Variants in PALLD observed in about 807,000 individuals in gnomAD.
The protein encoded by PALLD is palladin.
A neutral mutation model predicts 123.5 loss-of-function variants in PALLD; 61 were observed. The ratio of observed to expected loss-of-function variants is 0.49; its 90% CI spans 0.40 to 0.61. The LOEUF (loss-of-function observed/expected upper bound fraction) is 0.61. Among genes scored for constraint, PALLD ranks in the 20% least tolerant of loss-of-function variants. PALLD has a pLI of 0.00. For missense variants in PALLD, 1,273 were observed against 1,377.0 expected, an observed-to-expected ratio of 0.92 and a Z score of 1.20; for synonymous variants, 465 against 496.4, an observed-to-expected ratio of 0.94 and a Z score of 0.84.
intron 3 of PALLD, among the ~76,000 whole-genome samples, chr4:168,675,966 GGGTCACTTGAGCCCAGCA>G (rs1286957246): frequency 6.6e-6 from 1 of 152,186 alleles, no homozygotes; most frequent in African/African-American, 2.4e-5. Flanking sequence ...TGAGGTGGGA[GGGTCACTTGAGCCCAGCA>G]GGTCAAGGCA....
At chr4:168,589,132 G>A (rs376135814) in intron 2 of PALLD, among the ~76,000 whole-genome samples, 23 of 152,266 alleles carry the variant, frequency 1.5e-4, no homozygotes, top group South Asian at 2.1e-4. Context: ...AGTTTGTGTC[G>A]TTTCTAAAGT....
At chr4:168,656,710 TG>T (rs978068472) in intron 2 of PALLD, among the ~76,000 whole-genome samples, 5 of 152,156 alleles carry the variant, frequency 3.3e-5, no homozygotes, top group African/African-American at 9.7e-5. Context: ...ATCCAGATTG[TG>T]GGGGGAAATC....
intron 9 of PALLD, 124 bp downstream of exon 9, chr4:168,709,271 A>AG (rs1784497006): frequency 1.1e-6 from 1 of 923,026 alleles, no homozygotes. Context: ...GCACTTTGGG[A>AG]GGCCGAGGCA....
At chr4:168,836,081 G>A (rs1002684858) in intron 10 of PALLD, among the ~76,000 whole-genome samples, 3 of 152,186 alleles carry the variant, frequency 2.0e-5, no homozygotes, top group African/African-American at 7.2e-5. Flanking sequence ...GTGCTTTAGG[G>A]TTGACCGTAA....
At chr4:168,809,558 CTGTATTCAAGAACCAGACG>C (rs1168600944) in intron 10 of PALLD, among the ~76,000 whole-genome samples, 1 of 152,130 alleles carries the variant, frequency 6.6e-6, no homozygotes, top group Non-Finnish European at 1.5e-5. Flanking sequence ...TGGAAAATGT[CTGTATTCAAGAACCAGACG>C]TGGGGCTGGG....
rs1298583286 is a variant in PALLD, at chr4:168,731,691, TGA to T, written c.1964+19770_1964+19771del. ...TAAGTGAATTATTCCTCTGCTATGC[TGA>T]GTTTTCTTCCTCCACCTTCAAGAAG... On this transcript the variant is annotated intron_variant, in intron 10 of 21. Transcript: ENST00000505667. Among the ~76,000 whole-genome samples, 26 of 152,370 alleles carry T rather than the reference TGA, an allele frequency of 1.7e-4. 1 individual carries two copies. The highest frequency in any genetic ancestry group is 1.7e-3 in the Admixed American group (26 of 15,306).
At chr4:168,890,298 C>G (rs1293779900) in intron 10 of PALLD, among the ~76,000 whole-genome samples, 1 of 152,158 alleles carries the variant, frequency 6.6e-6, no homozygotes, top group Admixed American at 6.5e-5. Flanking sequence ...CCAGGCACAG[C>G]AGGACCTGCA....
chr4:168,750,892 A>G (rs1473474988), intron 10 of PALLD, among the ~76,000 whole-genome samples: 1 of 152,096 alleles, frequency 6.6e-6, no homozygotes, highest in Non-Finnish European at 1.5e-5. Flanking sequence ...CATTATTTGG[A>G]TAGATGATTT....
intron 10 of PALLD, among the ~76,000 whole-genome samples, chr4:168,761,497 G>A (rs1399169060): frequency 2.6e-5 from 4 of 151,856 alleles, no homozygotes; most frequent in Non-Finnish European, 5.9e-5. Context: ...GTCTCTCTCC[G>A]TCACCCAGGC....
chr4:168,924,363 C>T lies in PALLD; in HGVS notation c.3167C>T (p.Pro1056Leu), dbSNP rs1162970866. 1 of 1,613,912 alleles carries T rather than the reference C, an allele frequency of 6.2e-7. No individual in the cohort carries two copies. The highest frequency in any genetic ancestry group is 8.5e-7 in the Non-Finnish European group (1 of 1,179,880). Reference sequence around the variant, plus strand: ...TGTCGTGTATTGGGAGTGCCACCACCTCAGATATTTTGGAAGAAAGAAAAT... The same window carrying T: ...TGTCGTGTATTGGGAGTGCCACCACTTCAGATATTTTGGAAGAAAGAAAAT... The part of the protein sequence containing the change: ...LECRVLGVPP[P>L]QIFWKKENES... The change falls in exon 19 of 22, where the codon CCT becomes CTT. Residue 1056 changes from proline to leucine, a missense_variant. Physicochemically the swap from Pro to Leu is moderately conservative, Grantham distance 98. Around this residue, in one of 2 missense-constraint regions of PALLD, gnomAD observed 329 missense variants for 422.5 expected, o/e 0.78. Coordinates refer to ENST00000505667, the MANE Select transcript of PALLD (RefSeq NM_001166108.2).
intron 10 of PALLD, among the ~76,000 whole-genome samples, chr4:168,767,115 A>T (rs542519525): frequency 5.9e-5 from 9 of 152,302 alleles, no homozygotes; most frequent in East Asian, 1.9e-4. Context: ...CAACCGGCCA[A>T]ATAAGAGCCC....
chr4:168,516,806 T>C (rs2149441697), intron 2 of PALLD, among the ~76,000 whole-genome samples: 1 of 152,342 alleles, frequency 6.6e-6, no homozygotes, highest in Non-Finnish European at 1.5e-5. Context: ...ATTCCAAATA[T>C]CTTCAAAGAA....
chr4:168,640,988 C>T (rs1006844194), intron 2 of PALLD, among the ~76,000 whole-genome samples: 1 of 152,100 alleles, frequency 6.6e-6, no homozygotes, highest in Non-Finnish European at 1.5e-5. Context: ...GTGGGCGGAT[C>T]ATGAGGTCAG....
At chr4:168,885,257 C>T (rs1247303654) in intron 10 of PALLD, 7 of 152,144 alleles carry the variant, frequency 4.6e-5, no homozygotes, top group African/African-American at 9.7e-5. Flanking sequence ...ATGGTTTGCT[C>T]CTTAACTTAT....
intron 2 of PALLD, among the ~76,000 whole-genome samples, chr4:168,609,924 C>T (rs539196280): frequency 6.6e-6 from 1 of 152,272 alleles, no homozygotes; most frequent in South Asian, 2.1e-4. Context: ...ATACCCTCTC[C>T]TTATATCCCC....
intron 10 of PALLD, among the ~76,000 whole-genome samples, chr4:168,864,870 CTGTT>C (rs1161786249): frequency 2.6e-5 from 4 of 152,174 alleles, no homozygotes; most frequent in African/African-American, 9.7e-5. Flanking sequence ...ATAGAAAACT[CTGTT>C]TGACAGAACG....
At chr4:168,851,212 A>G (rs1004617233) in intron 10 of PALLD, among the ~76,000 whole-genome samples, 1 of 152,138 alleles carries the variant, frequency 6.6e-6, no homozygotes, top group Non-Finnish European at 1.5e-5. Flanking sequence ...TATTTTCTCC[A>G]TCTCCAGAAT....
chr4:168,698,977 T>TA (rs1164101234), intron 8 of PALLD, among the ~76,000 whole-genome samples: 1 of 152,214 alleles, frequency 6.6e-6, no homozygotes, highest in Admixed American at 6.5e-5. Flanking sequence ...TGAGGATAGA[T>TA]ACACAGGGGT....
chr4:168,694,192 C>T (rs537146302), intron 8 of PALLD, among the ~76,000 whole-genome samples: 15 of 152,176 alleles, frequency 9.9e-5, no homozygotes, highest in African/African-American at 2.4e-4. Context: ...ATGTAGGAAC[C>T]GGCTTCCCTA....
Sources: gnomAD v4.1 joint callset for allele counts (sites outside exome capture counted in the v4.1 genomes callset) on GRCh38, gnomAD v4.1.1 for gene constraint, gnomAD v4.1.1 regional missense constraint, MANE v1.5 for transcripts, NCBI Gene and HGNC (gene_info 2026-07-23, HGNC 2026-07-21) for gene names.